CDH4: variants seen among roughly 807,000 people sequenced by gnomAD.
The protein encoded by CDH4 is cadherin-4.
A neutral mutation model predicts 86.0 loss-of-function variants in CDH4; 33 were observed. The observed-to-expected ratio is 0.38, with a 90% CI of 0.29 to 0.51. The LOEUF (loss-of-function observed/expected upper bound fraction) is 0.51. CDH4 is among the 20% of genes least tolerant of loss of function. CDH4 has a pLI of 0.86. For synonymous variants in CDH4, 555 were observed against 549.4 expected, an observed-to-expected ratio of 1.01 and a Z score of -0.14; for missense variants, 1,114 against 1,307.4, an observed-to-expected ratio of 0.85 and a Z score of 2.28.
intron 2 of CDH4, among the ~76,000 whole-genome samples, chr20:61,378,059 C>G (rs922325873): frequency 2.0e-5 from 3 of 152,138 alleles, no homozygotes; most frequent in Non-Finnish European, 4.4e-5. Flanking sequence ...TCAAGACCAG[C>G]CTAGACAACA....
In CDH4 at chr20:61,345,732, G is replaced by A. The variant is rs6513578; in HGVS notation, c.169+90795G>A. Among the ~76,000 whole-genome samples, 1,309 of 152,298 alleles carry A rather than the reference G, an allele frequency of 8.6e-3. 23 individuals are homozygous for A. The highest frequency in any genetic ancestry group is 0.03 in the African/African-American group (1,232 of 41,558). ...GATCCTGAATGGACAGCAAGGAAGCGGCTGCCAGGAGTGAGTGGTGTTGGG... is the reference window on the plus strand; with the variant it reads ...GATCCTGAATGGACAGCAAGGAAGCAGCTGCCAGGAGTGAGTGGTGTTGGG... On this transcript the variant is annotated intron_variant, in intron 2 of 15. Transcript: ENST00000614565.
At chr20:61,389,704 A>C (rs2084970629) in intron 2 of CDH4, among the ~76,000 whole-genome samples, 1 of 150,192 alleles carries the variant, frequency 6.7e-6, no homozygotes, top group Non-Finnish European at 1.5e-5. Context: ...GGGTGAGAAC[A>C]ATTGGCACCT....
intron 2 of CDH4, among the ~76,000 whole-genome samples, chr20:61,407,835 G>A (rs1416552048): frequency 1.3e-5 from 2 of 152,172 alleles, no homozygotes; most frequent in African/African-American, 2.4e-5. Flanking sequence ...ACATTACATG[G>A]AGCGAAGGAA....
chr20:61,441,890 G>A (rs565212190), intron 2 of CDH4, among the ~76,000 whole-genome samples: 3 of 152,196 alleles, frequency 2.0e-5, no homozygotes, highest in East Asian at 1.9e-4. Flanking sequence ...CAGGTGGCAC[G>A]GCACGTTCAT....
At chr20:61,356,353 G>A (rs1206518948) in intron 2 of CDH4, among the ~76,000 whole-genome samples, 1 of 152,164 alleles carries the variant, frequency 6.6e-6, no homozygotes, top group Non-Finnish European at 1.5e-5. Context: ...GAGAACTGCT[G>A]TTTCCCAGAG....
At chr20:61,335,387 C>T (rs2084611710) in intron 2 of CDH4, among the ~76,000 whole-genome samples, 1 of 152,186 alleles carries the variant, frequency 6.6e-6, no homozygotes, top group African/African-American at 2.4e-5. Flanking sequence ...TATTCAGTTG[C>T]ACTGTGTGTG....
At chr20:61,650,607 C>T (rs2087110745) in intron 2 of CDH4, among the ~76,000 whole-genome samples, 1 of 152,196 alleles carries the variant, frequency 6.6e-6, no homozygotes. Context: ...CAGGAGGACA[C>T]ACCCTGGCAT....
At chr20:61,275,701 G>A (rs1170574450) in intron 2 of CDH4, among the ~76,000 whole-genome samples, 4 of 148,948 alleles carry the variant, frequency 2.7e-5, no homozygotes, top group Middle Eastern at 3.4e-3. Context: ...GGGGAGTACC[G>A]TGCGCAGTTT....
chr20:61,798,322 C>T (rs529464830), intron 4 of CDH4, among the ~76,000 whole-genome samples: 27 of 152,176 alleles, frequency 1.8e-4, no homozygotes, highest in Non-Finnish European at 2.8e-4. Context: ...CCCCTCGCTG[C>T]GCCTCAGCCT....
intron 2 of CDH4, among the ~76,000 whole-genome samples, chr20:61,540,180 C>A (rs192857551): frequency 1.3e-5 from 2 of 152,134 alleles, no homozygotes; most frequent in South Asian, 2.1e-4. Flanking sequence ...ACCTGATGGG[C>A]GGACGAATGC....
chr20:61,716,316 A>C (rs374247952), intron 2 of CDH4, among the ~76,000 whole-genome samples: 1 of 144,644 alleles, frequency 6.9e-6, no homozygotes, highest in African/African-American at 2.8e-5. Context: ...CTCCTCACCC[A>C]TGAGCTGCCT....
chr20:61,473,740 C>T (rs2085518836), intron 2 of CDH4, among the ~76,000 whole-genome samples: 1 of 152,094 alleles, frequency 6.6e-6, no homozygotes, highest in Admixed American at 6.5e-5. Flanking sequence ...CACACATACA[C>T]ACACACAGAC....
At chr20:61,529,836 TC>T (rs1227503905) in intron 2 of CDH4, among the ~76,000 whole-genome samples, 1 of 152,100 alleles carries the variant, frequency 6.6e-6, no homozygotes, top group Non-Finnish European at 1.5e-5. Flanking sequence ...GTGTAATTTT[TC>T]TTTTCTTTTC....
chr20:61,282,221 T>G (rs1285344131), intron 2 of CDH4, among the ~76,000 whole-genome samples: 1 of 152,124 alleles, frequency 6.6e-6, no homozygotes, highest in Non-Finnish European at 1.5e-5. Context: ...TATCCAGGCG[T>G]GATGGTGTGC....
At chr20:61,694,811 G>A (rs1342279746) in intron 2 of CDH4, among the ~76,000 whole-genome samples, 2 of 152,206 alleles carry the variant, frequency 1.3e-5, no homozygotes. Flanking sequence ...CTCTGCACGG[G>A]AGCCACCTTC....
rs61388322 is a variant in CDH4, at chr20:61,316,352, G to A, written c.169+61415G>A. On this transcript the variant is annotated intron_variant, in intron 2 of 15. Coordinates refer to ENST00000614565, the MANE Select transcript of CDH4 (RefSeq NM_001794.5). ...CTGCGGCCCGCAGATAGAGACCGCC[G>A]CGCTGACCTAAGTCGATAAGTTGAA... Among the ~76,000 whole-genome samples the A allele has an allele frequency of 3.2e-3, 480 of 152,376 alleles. 9 individuals carry two copies. The East Asian group carries it at 0.041, about 13-fold the overall frequency.
At chr20:61,860,821 C>A (rs1433466456) in intron 6 of CDH4, among the ~76,000 whole-genome samples, 2 of 152,098 alleles carry the variant, frequency 1.3e-5, no homozygotes, top group East Asian at 3.9e-4. Context: ...AAGGGCTCCT[C>A]CTGCAGGATC....
chr20:61,730,789 T>A (rs117679151), intron 2 of CDH4, among the ~76,000 whole-genome samples: 2,735 of 152,248 alleles, frequency 0.018, 29 homozygotes, highest in South Asian at 0.039. Context: ...AGATGAGCCT[T>A]CCAGAAACGC....
At chr20:61,601,867 A>C (rs151331418) in intron 2 of CDH4, among the ~76,000 whole-genome samples, 10 of 152,326 alleles carry the variant, frequency 6.6e-5, no homozygotes, top group South Asian at 2.1e-4. Context: ...TCCAGAAAGC[A>C]GTGTCGCGTT....
Sources: gnomAD v4.1 joint callset for allele counts (sites outside exome capture counted in the v4.1 genomes callset) on GRCh38, gnomAD v4.1.1 for gene constraint, MANE v1.5 for transcripts, NCBI Gene and HGNC (gene_info 2026-07-23, HGNC 2026-07-21) for gene names.